The following SLC24A2 variants were observed in gnomAD, a reference collection of about 807,000 sequenced individuals.
The protein encoded by SLC24A2 is solute carrier family 24 member 2, also known as sodium/potassium/calcium exchanger 2.
In SLC24A2, 36 loss-of-function variants were observed where a neutral mutation model predicts 62.0. The observed-to-expected ratio is 0.58, with a 90% CI of 0.44 to 0.77. SLC24A2 has a LOEUF of 0.77. Ranked by LOEUF, SLC24A2 falls within the 30% of genes least tolerant of loss-of-function variation. SLC24A2 has a pLI of 0.00. For synonymous variants in SLC24A2, 358 were observed against 294.0 expected, an observed-to-expected ratio of 1.22 and a Z score of -2.23; for missense variants, 846 against 817.9, an observed-to-expected ratio of 1.03 and a Z score of -0.42.
the SLC24A2 span, among the ~76,000 whole-genome samples, chr9:20,193,210 G>T: frequency 6.6e-6 from 1 of 152,234 alleles, no homozygotes; most frequent in Admixed American, 6.5e-5. Context: ...TACCAATTAA[G>T]GTGAAAGGAA....
At chr9:19,764,221 G>C (rs911840879) in intron 2 of SLC24A2, among the ~76,000 whole-genome samples, 1 of 151,968 alleles carries the variant, frequency 6.6e-6, no homozygotes, top group Non-Finnish European at 1.5e-5. Context: ...TTATTAGTCT[G>C]GCTAGCAGTC....
chr9:19,726,829 C>T (rs1335934880), intron 2 of SLC24A2, among the ~76,000 whole-genome samples: 1 of 152,174 alleles, frequency 6.6e-6, no homozygotes, highest in Non-Finnish European at 1.5e-5. Context: ...ATATACACAG[C>T]CTTTCTTTTC....
chr9:19,657,634 C>T (rs1818979282), intron 2 of SLC24A2, among the ~76,000 whole-genome samples: 1 of 152,090 alleles, frequency 6.6e-6, no homozygotes, highest in African/African-American at 2.4e-5. Flanking sequence ...TCTCCATAAC[C>T]CCAAATCCTG....
At chr9:19,580,973 A>G (rs1175203552) in intron 5 of SLC24A2, among the ~76,000 whole-genome samples, 1 of 152,198 alleles carries the variant, frequency 6.6e-6, no homozygotes, top group Non-Finnish European at 1.5e-5. Flanking sequence ...TTCTGTGAGA[A>G]AATATGTGTA....
intron 5 of SLC24A2, among the ~76,000 whole-genome samples, chr9:19,579,994 G>T (rs1836153921): frequency 6.6e-6 from 1 of 152,166 alleles, no homozygotes; most frequent in Non-Finnish European, 1.5e-5. Context: ...AATTTTATAG[G>T]TTCTCAAATA....
At chr9:20,011,830 G>T in the SLC24A2 span, among the ~76,000 whole-genome samples, 1 of 152,116 alleles carries the variant, frequency 6.6e-6, no homozygotes, top group Non-Finnish European at 1.5e-5. Context: ...CACGTCAAAA[G>T]AATCATTTAC....
the SLC24A2 span, among the ~76,000 whole-genome samples, chr9:19,856,041 G>A: frequency 3.4e-3 from 513 of 152,006 alleles, 1 homozygote; most frequent in African/African-American, 0.012. Flanking sequence ...AGATAGTCAA[G>A]CTCTGAGATT....
At chr9:19,922,759 T>C in the SLC24A2 span, among the ~76,000 whole-genome samples, 2 of 152,272 alleles carry the variant, frequency 1.3e-5, no homozygotes, top group East Asian at 3.9e-4. Flanking sequence ...GATTCATTCC[T>C]AGAGGCTCCT....
chr9:19,525,190 A>G (rs1449608218), intron 9 of SLC24A2, among the ~76,000 whole-genome samples: 6 of 152,220 alleles, frequency 3.9e-5, no homozygotes, highest in African/African-American at 1.2e-4. Flanking sequence ...ATCTGAAGTC[A>G]AATGTCAGTA....
At chr9:19,814,994 A>G in the SLC24A2 span, among the ~76,000 whole-genome samples, 4 of 152,186 alleles carry the variant, frequency 2.6e-5, no homozygotes, top group African/African-American at 7.2e-5. Flanking sequence ...AGAGAATTCT[A>G]AAAGACTATC....
intron 2 of SLC24A2, among the ~76,000 whole-genome samples, chr9:19,763,115 T>C (rs558910096): frequency 9.0e-4 from 137 of 152,274 alleles, no homozygotes; most frequent in African/African-American, 3.2e-3. Context: ...GATTTGGCTG[T>C]TTGTCTATTA....
chr9:19,737,320 A>T (rs1821538824), intron 2 of SLC24A2, among the ~76,000 whole-genome samples: 1 of 152,240 alleles, frequency 6.6e-6, no homozygotes, highest in African/African-American at 2.4e-5. Flanking sequence ...AATTATGATT[A>T]TTGTTTATAT....
the SLC24A2 span, among the ~76,000 whole-genome samples, chr9:20,199,914 A>G: frequency 5.3e-5 from 7 of 132,410 alleles, no homozygotes; most frequent in African/African-American, 2.1e-4. Context: ...GTATTTTTAT[A>G]GAGACAGGGT....
the SLC24A2 span, among the ~76,000 whole-genome samples, chr9:19,912,951 A>G: frequency 6.6e-6 from 1 of 152,134 alleles, no homozygotes; most frequent in East Asian, 1.9e-4. Flanking sequence ...GTAAAAATTT[A>G]AATGAACCTG....
At chr9:19,759,165 G>A (rs1477144815) in intron 2 of SLC24A2, among the ~76,000 whole-genome samples, 1 of 152,170 alleles carries the variant, frequency 6.6e-6, no homozygotes. Context: ...TACAAAGCAC[G>A]ATGCTTCTAT....
chr9:19,710,568 G>A (rs765434246), intron 2 of SLC24A2, among the ~76,000 whole-genome samples: 3 of 152,164 alleles, frequency 2.0e-5, no homozygotes, highest in African/African-American at 4.8e-5. Flanking sequence ...ATGTTCAGGT[G>A]CTCAACAAAC....
chr9:19,820,465 A>T, the SLC24A2 span, among the ~76,000 whole-genome samples: 5 of 151,664 alleles, frequency 3.3e-5, no homozygotes, highest in African/African-American at 7.3e-5. Context: ...AAAAAATTTT[A>T]AAAAAGAACT....
At chr9:19,525,237 A>T (rs980074221) in intron 9 of SLC24A2, among the ~76,000 whole-genome samples, 8 of 152,162 alleles carry the variant, frequency 5.3e-5, no homozygotes, top group African/African-American at 1.4e-4. Flanking sequence ...AATATCATGT[A>T]GAAATAAGAC....
chr9:19,835,154 G>A, the SLC24A2 span, among the ~76,000 whole-genome samples: 2 of 152,176 alleles, frequency 1.3e-5, no homozygotes, highest in African/African-American at 4.8e-5. Flanking sequence ...AGGCTAGGAA[G>A]AAACTGCATC....
Sources: gnomAD v4.1 joint callset for allele counts (sites outside exome capture counted in the v4.1 genomes callset) on GRCh38, gnomAD v4.1.1 for gene constraint, MANE v1.5 for transcripts, NCBI Gene and HGNC (gene_info 2026-07-23, HGNC 2026-07-21) for gene names.